NOA1: variants seen among roughly 807,000 people sequenced by gnomAD.
NOA1 encodes nitric oxide-associated protein 1.
NOA1 carries 35 observed loss-of-function variants against 58.4 expected under a neutral mutation model. The ratio of observed to expected loss-of-function variants is 0.60; its 90% CI spans 0.46 to 0.79. The LOEUF (loss-of-function observed/expected upper bound fraction) is 0.79, where lower values mean the gene tolerates loss of function less well. Among genes scored for constraint, NOA1 ranks in the 30% least tolerant of loss-of-function variants. The pLI, the probability that NOA1 is intolerant of heterozygous loss-of-function variation, is 0.00. For synonymous variants in NOA1, 397 were observed against 373.4 expected (o/e 1.06, Z -0.73); for missense variants, 895 against 894.6 (o/e 1.00, Z -0.01).
At chr4:56,974,756 A>G (rs1721870479) in intron 1 of NOA1, among the ~76,000 whole-genome samples, 2 of 151,616 alleles carry the variant, frequency 1.3e-5, no homozygotes, top group South Asian at 4.2e-4. Flanking sequence ...TCTGTTGCCC[A>G]GGCTGGAGTG....
rs1315355887 is a variant in NOA1 at position 56,977,082 on chromosome 4, C to A, written c.504G>T (p.Ala168=). The change falls in exon 1 of 7, where the codon GCG becomes GCT. Residue 168 remains alanine, a synonymous_variant. Coordinates refer to ENST00000264230, the MANE Select transcript of NOA1 (RefSeq NM_032313.4). ...TCCGTGCCAGCCCGCCGTCTGCCTC[C>A]GCCGTGCGGAGGAACTTCTCTCGGG... The part of the protein sequence containing the change: ...YLPREKFLRT[A]EADGGLARTV... 1.4e-5 allele frequency: 22 copies of A among 1,571,602 alleles called. No individual in the cohort carries two copies. Among genetic ancestry groups the A allele is most frequent in the Non-Finnish European group, 1.9e-5 (22 of 1,162,828 alleles).
chr4:56,973,485 C>CTTT (rs370555681), intron 2 of NOA1, 132 bp from the exon 3 acceptor site: 4 of 612,620 alleles, frequency 6.5e-6, no homozygotes, highest in Non-Finnish European at 1.1e-5. Flanking sequence ...GATACTTTTG[C>CTTT]TTTTTTTTTT....
intron 5 of NOA1, among the ~76,000 whole-genome samples, chr4:56,965,748 G>C (rs1721691295): frequency 6.6e-6 from 1 of 150,634 alleles, no homozygotes; most frequent in Non-Finnish European, 1.5e-5. Context: ...AGGCTGTCAG[G>C]AGTTTATACA....
intron 1 of NOA1, 56 bp from the exon 2 acceptor site, chr4:56,974,078 G>GGCGACC: frequency 9.2e-7 from 1 of 1,089,066 alleles, no homozygotes; most frequent in South Asian, 2.5e-5. Context: ...GGAAGAAAAT[G>GGCGACC]AACATTTTTG....
In NOA1 at chr4:56,976,882, G is replaced by A. The variant is rs377618225; in HGVS notation, c.704C>T (p.Pro235Leu). 1.3e-4 allele frequency: 212 copies of A among 1,613,002 alleles called. 1 individual carries two copies. The South Asian group carries it at 2.2e-3, about 17-fold the overall frequency. The change falls in exon 1 of 7, where the codon CCC (proline) becomes CTC (leucine). Residue 235 changes from proline to leucine, a missense_variant. By Grantham distance (98) the Pro-to-Leu change is moderately conservative. This residue lies in a region of NOA1 where 680 missense variants were observed against 656.5 expected (regional missense o/e 1.04). Transcript: ENST00000264230. The part of the protein sequence containing the change: ...DLPDALLPDL[P>L]ALVGPKQLIV... ...CAGCTGCTTGGGGCCCACCAGCGCG[G>A]GCAAGTCGGGCAGCAGGGCGTCGGG...
intron 4 of NOA1, among the ~76,000 whole-genome samples, chr4:56,967,533 T>C (rs548268497): frequency 5.3e-4 from 81 of 152,284 alleles, no homozygotes; most frequent in African/African-American, 1.9e-3. Flanking sequence ...AAATGTGCTA[T>C]AGTAATGGCA....
chr4:56,977,386 T>C lies in NOA1; in HGVS notation c.200A>G (p.Asp67Gly). The change falls in exon 1 of 7, where the codon GAC (aspartate) becomes GGC (glycine). Residue 67 changes from aspartate (D) to glycine (G), a missense_variant. Physicochemically the swap from Asp to Gly is moderately conservative, Grantham distance 94 (BLOSUM62 -1). Transcript: ENST00000264230. ...VDTEGFGEGGDMQERFLFPEY... is the reference protein window; with the variant it reads ...VDTEGFGEGGGMQERFLFPEY... ...CGGGAACAGAAAACGCTCCTGCATG[T>C]CACCACCTTCTCCAAAGCCCTCCGT... The C allele has an allele frequency of 1.2e-6, 2 of 1,614,172 alleles. No homozygotes were observed. Among genetic ancestry groups the C allele is most frequent in the South Asian group, 1.1e-5 (1 of 91,092 alleles).
At chr4:56,970,755 C>T (rs1165592379) in intron 3 of NOA1, among the ~76,000 whole-genome samples, 1 of 152,136 alleles carries the variant, frequency 6.6e-6, no homozygotes, top group Admixed American at 6.6e-5. Context: ...AGGCACTGTG[C>T]ACAGCCTGAG....
In NOA1 at chr4:56,964,430, C is replaced by G. The variant is rs1015009886; in HGVS notation, c.1861G>C (p.Ala621Pro). Reference sequence around the variant, plus strand: ...CCTGCAGAGGAAAACTTGATGTCGGCCACTGCTTCAGATGCCCCCAGTCCT... The same window carrying G: ...CCTGCAGAGGAAAACTTGATGTCGGGCACTGCTTCAGATGCCCCCAGTCCT... The part of the protein sequence containing the change: ...KEGLGASEAV[A>P]DIKFSSAGWV... Residue 621 changes from alanine (A) to proline (P), a missense_variant, in exon 6 of 7, where the codon GCC becomes CCC. This residue lies in a region of NOA1 where 212 missense variants were observed against 221.3 expected (regional missense o/e 0.96). Coordinates refer to ENST00000264230, the MANE Select transcript of NOA1 (RefSeq NM_032313.4). The G allele has an allele frequency of 1.2e-6, 2 of 1,613,968 alleles. No individual in the cohort carries two copies. Among genetic ancestry groups the G allele is most frequent in the African/African-American group, 2.7e-5 (2 of 74,914 alleles).
chr4:56,976,781 ACAGTCGCTCCCG>A lies in NOA1; in HGVS notation c.793_804del (p.Arg265_Leu268del). On this transcript the variant is annotated inframe_deletion, in exon 1 of 7. Transcript: ENST00000264230. Reference sequence around the variant, plus strand: ...AGCCCGGCGCGGGCACAGTCCTCCCACAGTCGCTCCCGCAGCCTCTGCCGGTAGCCAGGAGCA... The same window carrying A: ...AGCCCGGCGCGGGCACAGTCCTCCCACAGCCTCTGCCGGTAGCCAGGAGCA... 6.2e-7 allele frequency: 1 copy of A among 1,610,428 alleles called. No individual in the cohort carries two copies. The highest frequency in any genetic ancestry group is 8.5e-7 in the Non-Finnish European group (1 of 1,178,152).
rs774768409 is a variant in NOA1, at chr4:56,976,794, C to T, written c.792G>A (p.Leu264=). ...PQDAPGYRQR[L]RERLWEDCAR... ...CACAGTCCTCCCACAGTCGCTCCCG[C>T]AGCCTCTGCCGGTAGCCAGGAGCAT... Residue 264 remains leucine (L), a synonymous_variant, in exon 1 of 7, where the codon CTG becomes CTA. Transcript: ENST00000264230. 3.1e-6 allele frequency: 5 copies of T among 1,610,344 alleles called. No individual in the cohort carries two copies. The highest frequency in any genetic ancestry group is 3.3e-5 in the Admixed American group (2 of 59,938).
chr4:56,971,157 A>T (rs1296637), intron 3 of NOA1, among the ~76,000 whole-genome samples: 1 of 152,052 alleles, frequency 6.6e-6, no homozygotes, highest in African/African-American at 2.4e-5. Flanking sequence ...TATTAAAAAT[A>T]CAAAAAGTAG....
rs552393959 is a variant in NOA1, at chr4:56,970,381, G to C, written c.1516-1866C>G. Among the ~76,000 whole-genome samples, 7 of 151,846 alleles carry C rather than the reference G, an allele frequency of 4.6e-5. No individual in the cohort carries two copies. In the South Asian group the frequency reaches 1.5e-3, roughly 32 times the overall value. On this transcript the variant is annotated intron_variant, in intron 3 of 6. Transcript: ENST00000264230. ...AGCTACTTGGGAGGCTGAAGTGGGA[G>C]AATTGGTTGAGCCCAGGACTTTGAA...
chr4:56,974,819 A>G (rs1169060996), intron 1 of NOA1, among the ~76,000 whole-genome samples: 1 of 151,748 alleles, frequency 6.6e-6, no homozygotes, highest in Non-Finnish European at 1.5e-5. Flanking sequence ...CTTCACCCTC[A>G]GCCTCCTGAG....
chr4:56,974,087 T>TTAATGATACGGCGACTACC, intron 1 of NOA1, 65 bp from the exon 2 acceptor site: 1 of 1,060,828 alleles, frequency 9.4e-7, no homozygotes, highest in Non-Finnish European at 1.3e-6. Context: ...TGAACATTTT[T>TTAATGATACGGCGACTACC]GAGGATCTAC....
chr4:56,964,271 T>C (rs1721659137), intron 6 of NOA1, 135 bp downstream of exon 6: 1 of 891,990 alleles, frequency 1.1e-6, no homozygotes, highest in African/African-American at 1.7e-5. Context: ...TTCTCCATGT[T>C]GGTCAGGTTG....
chr4:56,973,706 A>C (rs1721849095), intron 2 of NOA1, 152 bp downstream of exon 2: 9 of 735,600 alleles, frequency 1.2e-5, no homozygotes, highest in Non-Finnish European at 2.0e-5. Context: ...TCCAAACAGT[A>C]GCCTTATCGC....
chr4:56,973,729 T>C, intron 2 of NOA1, 129 bp downstream of exon 2: 1 of 894,528 alleles, frequency 1.1e-6, no homozygotes, highest in South Asian at 1.6e-5. Flanking sequence ...AAGGGCCTCT[T>C]TGTTGCAGAA....
At chr4:56,972,834 G>A (rs561124699) in intron 3 of NOA1, among the ~76,000 whole-genome samples, 3 of 152,234 alleles carry the variant, frequency 2.0e-5, no homozygotes, top group African/African-American at 7.2e-5. Flanking sequence ...AGAACTTGAT[G>A]GCATACAGAT....
Sources: gnomAD v4.1 joint callset for allele counts (sites outside exome capture counted in the v4.1 genomes callset) on GRCh38, gnomAD v4.1.1 for gene constraint, gnomAD v4.1.1 regional missense constraint, MANE v1.5 for transcripts, NCBI Gene and HGNC (gene_info 2026-07-23, HGNC 2026-07-21) for gene names.